FSTL5: variants seen among roughly 807,000 people sequenced by gnomAD.
FSTL5 encodes follistatin-related protein 5.
Under a neutral mutation model 89.1 loss-of-function variants are expected in FSTL5, and 62 were observed. The ratio of observed to expected loss-of-function variants is 0.70; its 90% CI spans 0.57 to 0.86. The LOEUF (loss-of-function observed/expected upper bound fraction) is 0.86, where lower values mean the gene tolerates loss of function less well. Ranked by LOEUF, FSTL5 falls within the 40% of genes least tolerant of loss-of-function variation. The pLI is 0.00. For synonymous variants in FSTL5, 383 were observed against 346.2 expected (o/e 1.11, Z -1.18); for missense variants, 1,057 against 1,001.6 (o/e 1.06, Z -0.75).
rs777010246 is a variant in FSTL5 at position 161,759,547 on chromosome 4, T to C, written c.607-16A>G. 1.4e-6 allele frequency: 2 copies of C among 1,480,158 alleles called. No individual in the cohort carries two copies. Among genetic ancestry groups the C allele is most frequent in the Admixed American group, 4.3e-5 (2 of 46,434 alleles). The allele number at this position is 1,480,158 out of a possible 1,614,324, so 91.7% of individuals were successfully genotyped here. ...GTTTTATCACCTAACAAGAAAATTA[T>C]AAACCATACCTTTAGATTTGTGTCT... is the stretch of plus-strand genomic sequence containing the variant. On this transcript the variant is annotated splice_polypyrimidine_tract_variant and intron_variant, in intron 5 of 15. Coordinates refer to ENST00000306100, the MANE Select transcript of FSTL5 (RefSeq NM_020116.5).
At chr4:161,493,271 C>A (rs900248195) in intron 12 of FSTL5, among the ~76,000 whole-genome samples, 1 of 151,272 alleles carries the variant, frequency 6.6e-6, no homozygotes, top group Admixed American at 6.6e-5. Flanking sequence ...ATTGTATAAG[C>A]AAAATTATTG....
chr4:161,774,688 T>C (rs35177445), intron 5 of FSTL5, among the ~76,000 whole-genome samples: 31,720 of 151,688 alleles, frequency 0.21, 6,067 homozygotes, highest in African/African-American at 0.51. Flanking sequence ...AAAAAAAAAC[T>C]CTCAAAATAA....
chr4:162,133,118 T>C (rs1234169490), intron 1 of FSTL5, among the ~76,000 whole-genome samples: 3 of 152,178 alleles, frequency 2.0e-5, no homozygotes, highest in African/African-American at 4.8e-5. Context: ...GGCTAATATT[T>C]TTGTATTTTT....
chr4:161,452,137 A>T (rs1733188213), intron 15 of FSTL5, among the ~76,000 whole-genome samples: 1 of 152,188 alleles, frequency 6.6e-6, no homozygotes. Context: ...ATAACGATTC[A>T]ATCTCAGCAG....
At chr4:161,750,260 C>T (rs1740351197) in intron 6 of FSTL5, among the ~76,000 whole-genome samples, 1 of 152,114 alleles carries the variant, frequency 6.6e-6, no homozygotes, top group Non-Finnish European at 1.5e-5. Flanking sequence ...ATTTGACACT[C>T]TAATGTTACA....
intron 8 of FSTL5, among the ~76,000 whole-genome samples, chr4:161,580,698 G>A (rs1733404580): frequency 6.6e-6 from 1 of 152,100 alleles, no homozygotes; most frequent in South Asian, 2.1e-4. Flanking sequence ...GATTCCTAAG[G>A]ACATCAACTC....
At chr4:162,119,636 A>G (rs1731780386) in intron 1 of FSTL5, among the ~76,000 whole-genome samples, 1 of 152,236 alleles carries the variant, frequency 6.6e-6, no homozygotes, top group Admixed American at 6.5e-5. Context: ...TAAGTTGCAT[A>G]TCCATCACCT....
chr4:161,773,221 G>A (rs1462478294), intron 5 of FSTL5, among the ~76,000 whole-genome samples: 2 of 152,090 alleles, frequency 1.3e-5, no homozygotes, highest in East Asian at 3.9e-4. Flanking sequence ...ATAAATCAAA[G>A]TCCTGTAACC....
At chr4:161,953,047 A>G (rs1734939550) in intron 3 of FSTL5, among the ~76,000 whole-genome samples, 2 of 151,838 alleles carry the variant, frequency 1.3e-5, no homozygotes, top group East Asian at 1.9e-4. Flanking sequence ...TGTTTTAGAC[A>G]TTTATGTTCC....
At position 161,985,145 on chromosome 4, in the gene FSTL5, T is replaced by C. The variant is rs543452390; in HGVS notation, c.160+48480A>G. Reference sequence around the variant, plus strand: ...CTAATTTTCATATTTTTAGTGAAGGTGGGATTTCACCTCTCTGAGTAATTC... The same window carrying C: ...CTAATTTTCATATTTTTAGTGAAGGCGGGATTTCACCTCTCTGAGTAATTC... On this transcript the variant is annotated intron_variant, in intron 3 of 15. Coordinates refer to ENST00000306100, the MANE Select transcript of FSTL5 (RefSeq NM_020116.5). 2.0e-5 allele frequency among the ~76,000 whole-genome samples: 3 copies of C among 152,014 alleles called. No homozygotes were observed. In the South Asian group the frequency reaches 6.2e-4, roughly 32 times the overall value.
intron 4 of FSTL5, among the ~76,000 whole-genome samples, chr4:161,892,137 A>T (rs1978667): frequency 0.88 from 133,712 of 151,902 alleles, 59,843 homozygotes; most frequent in Non-Finnish European, 0.97. Context: ...TATTCTCTGA[A>T]ATAAATCATT....
At chr4:161,756,717 A>G (rs1740584061) in intron 6 of FSTL5, among the ~76,000 whole-genome samples, 1 of 152,118 alleles carries the variant, frequency 6.6e-6, no homozygotes, top group Admixed American at 6.5e-5. Flanking sequence ...ATTTTTACTG[A>G]TAGGGCCAGG....
intron 8 of FSTL5, among the ~76,000 whole-genome samples, chr4:161,558,220 T>C (rs942292986): frequency 6.6e-5 from 10 of 151,816 alleles, no homozygotes; most frequent in Admixed American, 2.0e-4. Flanking sequence ...AGCAGATTAG[T>C]GGCTGTCAGC....
At chr4:161,391,437 A>T (rs937000965) in intron 15 of FSTL5, among the ~76,000 whole-genome samples, 1 of 152,190 alleles carries the variant, frequency 6.6e-6, no homozygotes, top group African/African-American at 2.4e-5. Flanking sequence ...AAGTAAACCC[A>T]CTCAAAATAC....
rs143752215 is a variant in FSTL5 at position 161,802,226 on chromosome 4, T to C, written c.410-26152A>G. Among the ~76,000 whole-genome samples, 1,103 of 151,884 alleles carry C rather than the reference T, an allele frequency of 7.3e-3. 8 individuals are homozygous for C. The highest frequency in any genetic ancestry group is 0.024 in the African/African-American group (1,012 of 41,516). On this transcript the variant is annotated intron_variant, in intron 4 of 15. Coordinates refer to ENST00000306100, the MANE Select transcript of FSTL5 (RefSeq NM_020116.5). ...CTAAAATAGGTGCAGTCATTGGTCA[T>C]GGAATGAAAGAAAATTAACTATCTC... is the stretch of plus-strand genomic sequence containing the variant.
intron 7 of FSTL5, among the ~76,000 whole-genome samples, chr4:161,605,195 C>A (rs1323011873): frequency 6.6e-6 from 1 of 152,128 alleles, no homozygotes; most frequent in Non-Finnish European, 1.5e-5. Context: ...GAGCTGGTTA[C>A]AGGAGTGTTT....
At chr4:161,677,919 TATAC>T (rs1481631357) in intron 6 of FSTL5, among the ~76,000 whole-genome samples, 1 of 151,854 alleles carries the variant, frequency 6.6e-6, no homozygotes, top group Non-Finnish European at 1.5e-5. Flanking sequence ...TTCCACAATG[TATAC>T]ATAGTCTAAA....
At chr4:161,389,649 T>C (rs1333817167) in intron 15 of FSTL5, among the ~76,000 whole-genome samples, 3 of 152,176 alleles carry the variant, frequency 2.0e-5, no homozygotes, top group Admixed American at 6.5e-5. Flanking sequence ...TGACCTTATG[T>C]AAAGTCCTTG....
At position 162,016,017 on chromosome 4, in the gene FSTL5, C is replaced by G. The variant is rs549679410; in HGVS notation, c.160+17608G>C. On this transcript the variant is annotated intron_variant, in intron 3 of 15. Coordinates refer to ENST00000306100, the MANE Select transcript of FSTL5 (RefSeq NM_020116.5). ...GAAAGGAGGGAATGTTCATTAGATACTACTTTTCTCACAGATACAGTAAAT... is the reference window on the plus strand; with the variant it reads ...GAAAGGAGGGAATGTTCATTAGATAGTACTTTTCTCACAGATACAGTAAAT... Among the ~76,000 whole-genome samples the G allele has an allele frequency of 5.3e-5, 8 of 152,244 alleles. No homozygotes were observed. The South Asian group carries it at 1.7e-3, about 32-fold the overall frequency.
Sources: allele counts gnomAD v4.1 joint callset (sites outside exome capture counted in the v4.1 genomes callset), GRCh38; gene constraint gnomAD v4.1.1; transcripts MANE v1.5; gene names NCBI Gene and HGNC (gene_info 2026-07-23, HGNC 2026-07-21).